The following LRRC8A variants were observed in gnomAD, a reference collection of about 807,000 sequenced individuals.
LRRC8A encodes the protein volume-regulated anion channel subunit LRRC8A.
Under a neutral mutation model 52.5 loss-of-function variants are expected in LRRC8A, and 24 were observed. The ratio of observed to expected loss-of-function variants is 0.46; its 90% CI spans 0.33 to 0.64. LRRC8A has a LOEUF of 0.64. Ranked by LOEUF, LRRC8A falls within the 30% of genes least tolerant of loss-of-function variation. LRRC8A has a pLI of 0.02. For missense variants in LRRC8A, 677 were observed against 1,094.7 expected (o/e 0.62, Z 5.38); for synonymous variants, 492 against 494.2 (o/e 1.00, Z 0.06).
In LRRC8A at chr9:128,908,031, C is replaced by T. The variant is rs143934910; in HGVS notation, c.867C>T (p.Ile289=). ...ACACCGTCTACTACGTGCACAACAT[C>T]AAGTTCGACGTGGACTGCACCGTGG... ...ICYTVYYVHN[I]KFDVDCTVDI... The change falls in exon 3 of 4, where the codon ATC becomes ATT. Residue 289 remains isoleucine (I), a synonymous_variant. Transcript: ENST00000372600. 4.6e-4 allele frequency: 742 copies of T among 1,614,012 alleles called. 3 individuals are homozygous for T. Among genetic ancestry groups the T allele is most frequent in the Non-Finnish European group, 5.7e-4 (672 of 1,180,048 alleles).
intron 2 of LRRC8A, among the ~76,000 whole-genome samples, chr9:128,893,313 G>T (rs1287790298): frequency 6.6e-6 from 1 of 152,236 alleles, no homozygotes; most frequent in African/African-American, 2.4e-5. Context: ...TGAATTCTGG[G>T]AGGGTCATCT....
At position 128,911,690 on chromosome 9, in the gene LRRC8A, C is replaced by G. The variant is rs1840540055; in HGVS notation, c.2157+2369C>G. Among the ~76,000 whole-genome samples the G allele has an allele frequency of 6.6e-6, 1 of 152,208 alleles. No homozygotes were observed. The highest frequency in any genetic ancestry group is 1.5e-5 in the Non-Finnish European group (1 of 68,028). On this transcript the variant is annotated intron_variant, in intron 3 of 3. Coordinates refer to ENST00000372600, the MANE Select transcript of LRRC8A (RefSeq NM_019594.4). The surrounding 1 kb of genome is among the most constrained non-coding windows in gnomAD (Gnocchi z 4.9). Reference sequence around the variant, plus strand: ...CCAAGCTTGCCTGTTAGTGTCATGCCTGCTGGCTGAGGTCACCCCTCAGGA... The same window carrying G: ...CCAAGCTTGCCTGTTAGTGTCATGCGTGCTGGCTGAGGTCACCCCTCAGGA...
intron 2 of LRRC8A, among the ~76,000 whole-genome samples, chr9:128,890,622 G>T (rs1273563251): frequency 1.3e-5 from 2 of 152,176 alleles, no homozygotes; most frequent in Non-Finnish European, 2.9e-5. Flanking sequence ...TTCCATCCCA[G>T]AGAGTCGGGT....
In LRRC8A at chr9:128,916,522, C is replaced by A; in HGVS notation, c.*151C>A. ...GGGCCGCTTGTGAGTCAGGCCAGAG[C>A]GAGAGGACAGTATCTGTGGGGCTGG... On this transcript the variant is annotated 3_prime_UTR_variant, in exon 4 of 4. Coordinates refer to ENST00000372600, the MANE Select transcript of LRRC8A (RefSeq NM_019594.4). The surrounding 1 kb of genome is among the most constrained non-coding windows in gnomAD (Gnocchi z 6.1). 1.0e-6 allele frequency: 1 copy of A among 961,712 alleles called. No individual in the cohort carries two copies. Among genetic ancestry groups the A allele is most frequent in the Non-Finnish European group, 1.5e-6 (1 of 666,984 alleles). The allele number at this position is 961,712 out of a possible 1,614,324, so 59.6% of individuals were successfully genotyped here.
In LRRC8A at chr9:128,911,920, T is replaced by G. The variant is rs1840553450; in HGVS notation, c.2157+2599T>G. Among the ~76,000 whole-genome samples, 1 of 152,258 alleles carries G rather than the reference T, an allele frequency of 6.6e-6. No homozygotes were observed. ...CCTCTTCCTCCTCACTCGGGCTTGA[T>G]GGCTCCTTCTCAGCCACCTTGGCCA... is the stretch of plus-strand genomic sequence containing the variant. On this transcript the variant is annotated intron_variant, in intron 3 of 3. Transcript: ENST00000372600. The surrounding 1 kb of genome is among the most constrained non-coding windows in gnomAD (Gnocchi z 4.9).
At chr9:128,914,380 CAG>C (rs1305670231) in intron 3 of LRRC8A, among the ~76,000 whole-genome samples, 1 of 118,260 alleles carries the variant, frequency 8.5e-6, no homozygotes, top group East Asian at 2.7e-4. Context: ...TCCTCAGCCA[CAG>C]AGTGTCCAAG....
In LRRC8A at chr9:128,908,382, C is replaced by T; in HGVS notation, c.1218C>T (p.Asn406=). The T allele has an allele frequency of 6.2e-7, 1 of 1,613,910 alleles. No homozygotes were observed. Among genetic ancestry groups the T allele is most frequent in the South Asian group, 1.1e-5 (1 of 91,082 alleles). ...GTGAGAACAAGCTGCGGCAGCTGAACCTCAACAACGAGTGGACGCTGGACA... is the reference window on the plus strand; with the variant it reads ...GTGAGAACAAGCTGCGGCAGCTGAATCTCAACAACGAGTGGACGCTGGACA... ...EVSENKLRQL[N]LNNEWTLDKL... is the part of the protein sequence containing the mutation. The change falls in exon 3 of 4, where the codon AAC becomes AAT. Residue 406 remains asparagine (N), a synonymous_variant. Transcript: ENST00000372600.
At position 128,898,280 on chromosome 9, in the gene LRRC8A, G is replaced by A. The variant is rs1046016732; in HGVS notation, c.-8-8877G>A. On this transcript the variant is annotated intron_variant, in intron 2 of 3. Coordinates refer to ENST00000372600, the MANE Select transcript of LRRC8A (RefSeq NM_019594.4). The stretch of plus-strand genomic sequence containing the variant: ...CTGTCGCCCAGGCTGGAGGGCAGTG[G>A]TGCGATCTTAGCTCACTGCAACCTC... 4.6e-4 allele frequency among the ~76,000 whole-genome samples: 70 copies of A among 152,192 alleles called. 1 individual carries two copies. The highest frequency in any genetic ancestry group is 1.6e-3 in the African/African-American group (68 of 41,532).
rs76190184 is a variant in LRRC8A at position 128,904,871 on chromosome 9, G to C, written c.-8-2286G>C. On this transcript the variant is annotated intron_variant, in intron 2 of 3. Coordinates refer to ENST00000372600, the MANE Select transcript of LRRC8A (RefSeq NM_019594.4). Reference sequence around the variant, plus strand: ...AATTAGCCGGGTGTGGTGGGCGGGTGCCTGTAGTCCCAGCTACTTGGAAGG... The same window carrying C: ...AATTAGCCGGGTGTGGTGGGCGGGTCCCTGTAGTCCCAGCTACTTGGAAGG... Among the ~76,000 whole-genome samples, 1,473 of 151,984 alleles carry C rather than the reference G, an allele frequency of 9.7e-3. 24 individuals are homozygous for C. The highest frequency in any genetic ancestry group is 0.033 in the African/African-American group (1,372 of 41,444).
At chr9:128,886,637 T>C (rs746455228) in intron 2 of LRRC8A, among the ~76,000 whole-genome samples, 4 of 152,194 alleles carry the variant, frequency 2.6e-5, no homozygotes, top group Non-Finnish European at 5.9e-5. Context: ...GTAGACATCT[T>C]TGGGGACTGG....
At chr9:128,904,857 T>C (rs568433035) in intron 2 of LRRC8A, among the ~76,000 whole-genome samples, 5 of 148,184 alleles carry the variant, frequency 3.4e-5, no homozygotes, top group East Asian at 2.0e-4. Context: ...ATTAGCCGGG[T>C]GTGGTGGGCG....
chr9:128,887,243 C>T (rs1588195468), intron 2 of LRRC8A, among the ~76,000 whole-genome samples: 1 of 152,126 alleles, frequency 6.6e-6, no homozygotes, highest in South Asian at 2.1e-4. Context: ...ACTGCAGCCT[C>T]GATCTCCAAG....
chr9:128,895,281 G>T (rs926523520), intron 2 of LRRC8A, among the ~76,000 whole-genome samples: 15 of 152,000 alleles, frequency 9.9e-5, no homozygotes, highest in African/African-American at 3.6e-4. Flanking sequence ...CCCGGGAGGT[G>T]GAGGTTGCAG....
Position 128,907,863 on chromosome 9 carries a change from C to G in LRRC8A, c.699C>G (p.Asp233Glu). 3 of 1,614,024 alleles carry G rather than the reference C, an allele frequency of 1.9e-6. No homozygotes were observed. The highest frequency in any genetic ancestry group is 1.7e-6 in the Non-Finnish European group (2 of 1,180,026). The change falls in exon 3 of 4, where the codon GAC (aspartate) becomes GAG (glutamate). Residue 233 changes from aspartate to glutamate, a missense_variant. By Grantham distance (45) the Asp-to-Glu change is conservative. Transcript: ENST00000372600. The surrounding 1 kb of genome is among the most constrained non-coding windows in gnomAD (Gnocchi z 9.3). ...ACCGCTCAGAGACGGGCGTGCTGGA[C>G]AAGAAGGAGGGGGAGCAAGCCAAGG... ...IVDRSETGVL[D>E]KKEGEQAKAL...
chr9:128,904,634 G>A (rs1404235892), intron 2 of LRRC8A, among the ~76,000 whole-genome samples: 1 of 151,986 alleles, frequency 6.6e-6, no homozygotes, highest in Non-Finnish European at 1.5e-5. Flanking sequence ...GATTGCTTGA[G>A]GCCAGGAGTT....
chr9:128,890,167 T>TGTGTGTGTGTGTGC (rs1554821412), intron 2 of LRRC8A, among the ~76,000 whole-genome samples: 3 of 151,200 alleles, frequency 2.0e-5, no homozygotes, highest in South Asian at 2.1e-4. Flanking sequence ...TGTGTGTGTG[T>TGTGTGTGTGTGTGC]GTGCTGGGAA....
At chr9:128,890,196 C>A (rs1444987167) in intron 2 of LRRC8A, among the ~76,000 whole-genome samples, 1 of 143,402 alleles carries the variant, frequency 7.0e-6, no homozygotes, top group East Asian at 2.1e-4. Flanking sequence ...GCTTAACCTT[C>A]CCTCCTCAAG....
intron 3 of LRRC8A, 52 bp downstream of exon 3, chr9:128,909,373 G>A (rs1321246073): frequency 6.4e-7 from 1 of 1,560,408 alleles, no homozygotes. Context: ...GGCCTGGCCA[G>A]GGCTTGTGGT....
chr9:128,916,040 A>T lies in LRRC8A; in HGVS notation c.2158-56A>T, dbSNP rs986716086. 6 of 1,537,748 alleles carry T rather than the reference A, an allele frequency of 3.9e-6. No homozygotes were observed. Among genetic ancestry groups the T allele is most frequent in the Middle Eastern group, 3.5e-4 (2 of 5,714 alleles). Reference sequence around the variant, plus strand: ...GGGGAGAGAGGGAAGGGAAGCCCAGAGGCCCCGTCCAAGCCCACACCCACC... The same window carrying T: ...GGGGAGAGAGGGAAGGGAAGCCCAGTGGCCCCGTCCAAGCCCACACCCACC... On this transcript the variant is annotated intron_variant, in intron 3 of 3. Transcript: ENST00000372600. The surrounding 1 kb of genome is among the most constrained non-coding windows in gnomAD (Gnocchi z 6.1).
Sources: allele counts gnomAD v4.1 joint callset (sites outside exome capture counted in the v4.1 genomes callset), GRCh38; gene constraint gnomAD v4.1.1; non-coding constraint Gnocchi (gnomAD v3.1); transcripts MANE v1.5; gene names NCBI Gene and HGNC (gene_info 2026-07-23, HGNC 2026-07-21).